Variants in GNG2 observed in about 807,000 individuals in gnomAD.
GNG2 encodes guanine nucleotide-binding protein G(I)/G(S)/G(O) subunit gamma-2.
GNG2 carries 5 observed loss-of-function variants against 5.5 expected under a neutral mutation model. The observed-to-expected ratio is 0.91, with a 90% CI of 0.48 to 1.92. GNG2 has a LOEUF of 1.92. GNG2 is among the 30% of genes most tolerant of loss of function. GNG2 has a pLI of 0.01. For synonymous variants in GNG2, 28 were observed against 32.0 expected (o/e 0.88, Z 0.42); for missense variants, 55 against 88.4 (o/e 0.62, Z 1.52).
At chr14:51,857,456 G>A (rs1428847679), upstream of GNG2, among the ~76,000 whole-genome samples, 2 of 152,154 alleles carry the variant, frequency 1.3e-5, no homozygotes, top group East Asian at 1.9e-4. Context: ...CCATGCAGAG[G>A]AATTAAGGCA....
intron 2 of GNG2, among the ~76,000 whole-genome samples, chr14:51,837,167 A>G (rs1881355129): frequency 6.6e-6 from 1 of 152,092 alleles, no homozygotes. Flanking sequence ...CCTGATCTCA[A>G]CTTAACGTTG....
chr14:51,857,572 C>T (rs1594841988), upstream of GNG2, among the ~76,000 whole-genome samples: 2 of 151,964 alleles, frequency 1.3e-5, no homozygotes, highest in South Asian at 2.1e-4. Context: ...GGGATGGCTT[C>T]GAAGAGAGAC....
intron 2 of GNG2, among the ~76,000 whole-genome samples, chr14:51,931,218 G>A (rs1184126491): frequency 6.6e-6 from 1 of 152,192 alleles, no homozygotes; most frequent in Non-Finnish European, 1.5e-5. Context: ...ATATTTTGAA[G>A]GAAGAGTCCA....
chr14:51,923,614 A>C (rs117765780), intron 2 of GNG2, among the ~76,000 whole-genome samples: 2 of 152,196 alleles, frequency 1.3e-5, no homozygotes, highest in Non-Finnish European at 1.5e-5. Context: ...TGATTTAATG[A>C]ATAAATATTT....
chr14:51,847,580 T>C (rs780967184), intron 2 of GNG2, among the ~76,000 whole-genome samples: 1 of 152,152 alleles, frequency 6.6e-6, no homozygotes, highest in Non-Finnish European at 1.5e-5. Context: ...AAGAAAGTCA[T>C]GTGAAGTTAA....
At chr14:51,925,286 C>T (rs1375151245) in intron 2 of GNG2, among the ~76,000 whole-genome samples, 1 of 152,166 alleles carries the variant, frequency 6.6e-6, no homozygotes, top group African/African-American at 2.4e-5. Context: ...ATACAATTAA[C>T]ATATACAATA....
At chr14:51,925,733 T>G (rs1426227747) in intron 2 of GNG2, among the ~76,000 whole-genome samples, 2 of 152,004 alleles carry the variant, frequency 1.3e-5, no homozygotes, top group Non-Finnish European at 2.9e-5. Flanking sequence ...TGCCTCAGCC[T>G]CCTGAGCAGC....
chr14:51,827,547 AT>A, intron 1 of GNG2: 1 of 582,376 alleles, frequency 1.7e-6, no homozygotes, highest in Admixed American at 3.1e-5. Context: ...TAGGAGTGGT[AT>A]TTTTTGATGT....
At chr14:51,854,622 T>G (rs1366880914) in intron 2 of GNG2, among the ~76,000 whole-genome samples, 1 of 71,140 alleles carries the variant, frequency 1.4e-5, no homozygotes, top group Non-Finnish European at 3.2e-5. Flanking sequence ...GCAATTTTCC[T>G]GCCTCAGCTC....
intron 3 of GNG2, among the ~76,000 whole-genome samples, chr14:51,958,707 C>G (rs1192267072): frequency 6.6e-6 from 1 of 152,124 alleles, no homozygotes; most frequent in East Asian, 1.9e-4. Flanking sequence ...TTCCTATACT[C>G]CTTACCAGGT....
chr14:51,855,157 G>C (rs1234786048), intron 2 of GNG2, among the ~76,000 whole-genome samples: 5 of 152,202 alleles, frequency 3.3e-5, no homozygotes, highest in Admixed American at 6.5e-5. Context: ...TATCAGAGAA[G>C]GATCTGGGGG....
chr14:51,908,736 ATTTTTTT>A (rs3030340), intron 2 of GNG2, among the ~76,000 whole-genome samples: 6 of 89,880 alleles, frequency 6.7e-5, no homozygotes, highest in Non-Finnish European at 1.0e-4. Context: ...CACCCAGCTA[ATTTTTTT>A]TTTTTTTTTT....
intron 2 of GNG2, among the ~76,000 whole-genome samples, chr14:51,935,825 C>T (rs899809414): frequency 3.9e-5 from 6 of 152,152 alleles, no homozygotes; most frequent in African/African-American, 1.4e-4. Context: ...AGGCAAGTCA[C>T]ATGGCCAGAG....
chr14:51,905,458 A>C (rs562279330), intron 2 of GNG2, among the ~76,000 whole-genome samples: 136 of 152,266 alleles, frequency 8.9e-4, no homozygotes, highest in African/African-American at 3.1e-3. Context: ...TAAATACCTC[A>C]CTACATGGTT....
chr14:51,857,202 G>A (rs1484223368), upstream of GNG2, among the ~76,000 whole-genome samples: 1 of 152,188 alleles, frequency 6.6e-6, no homozygotes, highest in African/African-American at 2.4e-5. Context: ...CACCTGCCTA[G>A]TTTCCACGGC....
chr14:51,883,252 A>C (rs929467446), intron 2 of GNG2, among the ~76,000 whole-genome samples: 3 of 152,212 alleles, frequency 2.0e-5, no homozygotes, highest in Non-Finnish European at 4.4e-5. Flanking sequence ...TTCTAGGTTT[A>C]GAGACAACCA....
rs994469573 is a variant in GNG2 at position 51,924,953 on chromosome 14, C to T, written c.-29-25697C>T. On this transcript the variant is annotated intron_variant, in intron 2 of 3. Transcript: ENST00000556766. The stretch of plus-strand genomic sequence containing the variant: ...CTGGACATGAACCATCTTCTTTTAT[C>T]CCCACAGTAACCCTAAGAAGTATAT... Among the ~76,000 whole-genome samples, 16 of 152,278 alleles carry T rather than the reference C, an allele frequency of 1.1e-4. No homozygotes were observed. The East Asian group carries it at 2.5e-3, about 24-fold the overall frequency.
intron 2 of GNG2, among the ~76,000 whole-genome samples, chr14:51,882,679 A>G (rs1264957284): frequency 1.3e-5 from 2 of 152,198 alleles, no homozygotes; most frequent in Non-Finnish European, 2.9e-5. Flanking sequence ...CTATCGTGGG[A>G]CAGAATTTGC....
chr14:51,896,654 AT>A lies in GNG2; in HGVS notation c.-30+19000del, dbSNP rs1275965548. Reference sequence around the variant, plus strand: ...TTGTATGTGTTTGTGTGCAGATTTGATTTACATAGAAATAATTTTACTTAGA... The same window carrying A: ...TTGTATGTGTTTGTGTGCAGATTTGATTACATAGAAATAATTTTACTTAGA... On this transcript the variant is annotated intron_variant, in intron 2 of 3. Transcript: ENST00000556766. Among the ~76,000 whole-genome samples the A allele has an allele frequency of 2.6e-5, 4 of 152,330 alleles. No individual in the cohort carries two copies. The East Asian group carries it at 7.7e-4, about 29-fold the overall frequency.
Sources: gnomAD v4.1 joint callset for allele counts (sites outside exome capture counted in the v4.1 genomes callset) on GRCh38, gnomAD v4.1.1 for gene constraint, MANE v1.5 for transcripts, NCBI Gene and HGNC (gene_info 2026-07-23, HGNC 2026-07-21) for gene names.